The following ELP5 variants were observed in gnomAD, a reference collection of about 807,000 sequenced individuals.
ELP5 encodes elongator acetyltransferase complex subunit 5, also known as elongator complex protein 5.
In ELP5, 34 loss-of-function variants were observed where a neutral mutation model predicts 33.4. That is an observed-to-expected ratio of 1.02 (90% CI 0.78 to 1.36). The LOEUF (loss-of-function observed/expected upper bound fraction) is 1.36. Among genes scored for constraint, ELP5 ranks in the 40% most tolerant of loss-of-function variants. The probability of loss-of-function intolerance (pLI) is 0.00; values close to 1 mark genes in which losing one functional copy is unlikely to be tolerated. For missense variants in ELP5, 373 were observed against 371.7 expected, an observed-to-expected ratio of 1.00 and a Z score of -0.03; for synonymous variants, 161 against 146.4, an observed-to-expected ratio of 1.10 and a Z score of -0.72.
Position 7,252,346 on chromosome 17 carries a change from G to C in ELP5, c.-205G>C. 1.4e-6 allele frequency: 1 copy of C among 720,444 alleles called. No individual in the cohort carries two copies. Among genetic ancestry groups the C allele is most frequent in the South Asian group, 1.6e-5 (1 of 61,998 alleles). The allele number at this position is 720,444 out of a possible 1,614,324, so 44.6% of individuals were successfully genotyped here. A position where few individuals can be genotyped will look rare whatever the true frequency, so the allele number is the denominator to read the frequency against. ...AGACGGGGTCGTTGTCCGTACGACT[G>C]TGCGCCAGGGCTCGGGGAGGGGCGC... is the stretch of plus-strand genomic sequence containing the variant. On this transcript the variant is annotated 5_prime_UTR_variant, in exon 1 of 8. Transcript: ENST00000396628.
At chr17:7,255,350 C>A (rs913033506) in intron 4 of ELP5, among the ~76,000 whole-genome samples, 1 of 151,758 alleles carries the variant, frequency 6.6e-6, no homozygotes, top group African/African-American at 2.4e-5. Context: ...ATGGTGAAAC[C>A]CCGTCTCTAC....
In ELP5 at chr17:7,252,368, G is replaced by T; in HGVS notation, c.-183G>T. The T allele has an allele frequency of 1.1e-6, 1 of 879,524 alleles. No individual in the cohort carries two copies. The highest frequency in any genetic ancestry group is 1.5e-5 in the South Asian group (1 of 67,822). 54.5% of individuals were successfully genotyped at this position (879,524 alleles called of 1,614,324 possible). On this transcript the variant is annotated 5_prime_UTR_variant, in exon 1 of 8. Transcript: ENST00000396628. Reference sequence around the variant, plus strand: ...ACTGTGCGCCAGGGCTCGGGGAGGGGCGCCCTCCGCGTGAGCGCCCCCCTG... The same window carrying T: ...ACTGTGCGCCAGGGCTCGGGGAGGGTCGCCCTCCGCGTGAGCGCCCCCCTG...
chr17:7,258,561 A>G (rs1217590667), intron 5 of ELP5, 27 bp from the exon 6 acceptor site: 1 of 1,610,574 alleles, frequency 6.2e-7, no homozygotes. Flanking sequence ...GTAAGATGAA[A>G]AAAACTCTTT....
intron 4 of ELP5, 96 bp from the exon 5 acceptor site, chr17:7,256,761 G>C: frequency 2.3e-6 from 3 of 1,325,664 alleles, no homozygotes; most frequent in Non-Finnish European, 3.2e-6. Flanking sequence ...TGGCAGCACT[G>C]TGATGGAATT....
intron 4 of ELP5, 116 bp from the exon 5 acceptor site, chr17:7,256,741 G>A (rs1404159773): frequency 1.5e-5 from 16 of 1,042,376 alleles, no homozygotes; most frequent in East Asian, 2.4e-5. Flanking sequence ...GCCAAGGGAC[G>A]TCAGGATTTT....
At chr17:7,253,136 G>A in intron 3 of ELP5, 138 bp downstream of exon 3, 1 of 796,896 alleles carries the variant, frequency 1.3e-6, no homozygotes, top group Non-Finnish European at 2.1e-6. Flanking sequence ...GGATCTTTCA[G>A]GAGGCAAGAA....
intron 5 of ELP5, among the ~76,000 whole-genome samples, chr17:7,257,431 G>GTTTTT (rs5819151): frequency 7.2e-6 from 1 of 139,128 alleles, no homozygotes. Context: ...TTCCCTTGGA[G>GTTTTT]TTTTTTTTTT....
At chr17:7,253,213 A>G (rs2071992803) in intron 3 of ELP5, among the ~76,000 whole-genome samples, 1 of 152,204 alleles carries the variant, frequency 6.6e-6, no homozygotes, top group Non-Finnish European at 1.5e-5. Context: ...AGAGAGAAAT[A>G]GCCTGGAAAT....
intron 7 of ELP5, 125 bp from the exon 8 acceptor site, chr17:7,259,444 ACT>A (rs1244917486): frequency 3.3e-6 from 5 of 1,510,988 alleles, no homozygotes; most frequent in Non-Finnish European, 4.4e-6. Flanking sequence ...AGAGAAAGGG[ACT>A]TGGACCAATA....
chr17:7,257,490 G>A (rs969473348), intron 5 of ELP5, among the ~76,000 whole-genome samples: 5 of 150,534 alleles, frequency 3.3e-5, no homozygotes, highest in African/African-American at 1.2e-4. Flanking sequence ...GAGTGCTGTG[G>A]TGCAATCATA....
At position 7,252,461 on chromosome 17, in the gene ELP5, G is replaced by A. The variant is rs1424448501; in HGVS notation, c.-90G>A. On this transcript the variant is annotated 5_prime_UTR_variant, in exon 1 of 8. The change creates a new upstream start codon in the 5' untranslated region. Transcript: ENST00000396628. ...GTCTTAATGGTGGGAGGACGCCCGA[G>A]TGCTCGGCCCGTTTCACCCCGAGGA... The A allele has an allele frequency of 1.3e-6, 2 of 1,592,452 alleles. No individual in the cohort carries two copies. The highest frequency in any genetic ancestry group is 1.3e-5 in the African/African-American group (1 of 74,640).
intron 7 of ELP5, chr17:7,259,242 A>G: frequency 1.5e-6 from 2 of 1,371,380 alleles, no homozygotes; most frequent in Non-Finnish European, 1.9e-6. Context: ...AGAAGGCTAT[A>G]TGGGCGTGGC....
chr17:7,256,939 C>CA lies in ELP5; in HGVS notation c.493dup (p.Ser165LysfsTer7). ...ATGGACCAGGCCCTGTGGGAGCTCT[C>CA]AGCAGCCTTGCTCAGACTGAGGTGA... On this transcript the variant is annotated frameshift_variant, in exon 5 of 8. Coordinates refer to ENST00000396628, the MANE Select transcript of ELP5 (RefSeq NM_203414.3). LOFTEE classifies it high-confidence loss of function. 6.2e-7 allele frequency: 1 copy of CA among 1,614,050 alleles called. No individual in the cohort carries two copies. Among genetic ancestry groups the CA allele is most frequent in the South Asian group, 1.1e-5 (1 of 91,084 alleles).
At chr17:7,255,106 C>T (rs750879684) in intron 4 of ELP5, among the ~76,000 whole-genome samples, 2 of 151,934 alleles carry the variant, frequency 1.3e-5, no homozygotes, top group Non-Finnish European at 2.9e-5. Flanking sequence ...TACAGACTGA[C>T]TGTAGCTGGG....
chr17:7,257,431 G>GTTT (rs5819151), intron 5 of ELP5, among the ~76,000 whole-genome samples: 4 of 139,130 alleles, frequency 2.9e-5, no homozygotes, highest in Non-Finnish European at 4.7e-5. Flanking sequence ...TTCCCTTGGA[G>GTTT]TTTTTTTTTT....
chr17:7,259,642 A>G lies in ELP5; in HGVS notation c.860A>G (p.Asp287Gly), dbSNP rs1380403108. 1.2e-6 allele frequency: 2 copies of G among 1,614,256 alleles called. No individual in the cohort carries two copies. The highest frequency in any genetic ancestry group is 2.2e-5 in the South Asian group (2 of 91,084). The change falls in exon 8 of 8, where the codon GAT (aspartate) becomes GGT (glycine). Residue 287 changes from aspartate (D) to glycine (G), a missense_variant. By Grantham distance (94) the Asp-to-Gly change is moderately conservative. Transcript: ENST00000396628. ...SHIFYEPDAY[D>G]DLDQEDPDDD... is the part of the protein sequence containing the mutation. Reference sequence around the variant, plus strand: ...ATCTTCTATGAGCCAGATGCTTATGATGACCTGGACCAAGAAGACCCAGAT... The same window carrying G: ...ATCTTCTATGAGCCAGATGCTTATGGTGACCTGGACCAAGAAGACCCAGAT...
Position 7,252,673 on chromosome 17 carries a change from G to A in ELP5, c.46+77G>A, listed in dbSNP as rs1162885588. ...TGAGGGGACGGAAGTGGGCAGGAAG[G>A]GCCAGGGGTCACAGGCTAGGTGTGG... On this transcript the variant is annotated intron_variant, in intron 1 of 7. Coordinates refer to ENST00000396628, the MANE Select transcript of ELP5 (RefSeq NM_203414.3). The A allele has an allele frequency of 7.5e-6, 12 of 1,605,328 alleles. No homozygotes were observed. In the Admixed American group the frequency reaches 1.7e-4, roughly 23 times the overall value.
chr17:7,252,327 G>A lies in ELP5; in HGVS notation c.-224G>A. Reference sequence around the variant, plus strand: ...CCGGTCACAGTGAAAATGTAGACGGGGTCGTTGTCCGTACGACTGTGCGCC... The same window carrying A: ...CCGGTCACAGTGAAAATGTAGACGGAGTCGTTGTCCGTACGACTGTGCGCC... On this transcript the variant is annotated 5_prime_UTR_variant, in exon 1 of 8. Coordinates refer to ENST00000396628, the MANE Select transcript of ELP5 (RefSeq NM_203414.3). The A allele has an allele frequency of 1.6e-6, 1 of 638,884 alleles. No homozygotes were observed. The highest frequency in any genetic ancestry group is 2.8e-6 in the Non-Finnish European group (1 of 359,996). 39.6% of individuals were successfully genotyped at this position (638,884 alleles called of 1,614,324 possible).
chr17:7,259,470 G>T, intron 7 of ELP5, 101 bp from the exon 8 acceptor site: 2 of 1,560,692 alleles, frequency 1.3e-6, no homozygotes, highest in Non-Finnish European at 1.7e-6. Context: ...TGACATGGAG[G>T]CCTAACAGGT....
Sources: allele counts gnomAD v4.1 joint callset (sites outside exome capture counted in the v4.1 genomes callset), GRCh38; gene constraint gnomAD v4.1.1; transcripts MANE v1.5; gene names NCBI Gene and HGNC (gene_info 2026-07-23, HGNC 2026-07-21).